Variants in RAD54L2 observed in about 807,000 individuals in gnomAD.
RAD54L2 encodes the protein helicase ARIP4.
RAD54L2 carries 27 observed loss-of-function variants against 138.4 expected under a neutral mutation model. That is an observed-to-expected ratio of 0.20 (90% CI 0.14 to 0.27). RAD54L2 has a LOEUF of 0.27. RAD54L2 is among the 10% of genes least tolerant of loss of function. The pLI is 1.00. For missense variants in RAD54L2, 1,396 were observed against 1,890.2 expected, an observed-to-expected ratio of 0.74 and a Z score of 4.85; for synonymous variants, 644 against 723.2, an observed-to-expected ratio of 0.89 and a Z score of 1.76.
rs1701909521 is a variant in RAD54L2, at chr3:51,666,209, T to TTTTTTTA, written c.*2789_*2790insTTTTTTA. The stretch of plus-strand genomic sequence containing the variant: ...TTTTTTTTTTTTTTTTTTTTTTTTT[T>TTTTTTTA]AAAGAAAATAACCTGAAAACACTTC... On this transcript the variant is annotated 3_prime_UTR_variant, in exon 23 of 23. Coordinates refer to ENST00000684192, the MANE Select transcript of RAD54L2 (RefSeq NM_015106.4). 8.1e-6 allele frequency: 1 copy of TTTTTTTA among 122,710 alleles called. No homozygotes were observed. The highest frequency in any genetic ancestry group is 3.3e-5 in the African/African-American group (1 of 30,146). 7.6% of individuals were successfully genotyped at this position (122,710 alleles called of 1,614,324 possible). A position where few individuals can be genotyped will look rare whatever the true frequency, so the allele number is the denominator to read the frequency against.
In RAD54L2 at chr3:51,562,232, A is replaced by T. The variant is rs6771102; in HGVS notation, c.-55+20582A>T. Reference sequence around the variant, plus strand: ...TGTATTTTTATTCTTTAAATTTTTTAAATTTTATTTTTTTTTGAGATGGAG... The same window carrying T: ...TGTATTTTTATTCTTTAAATTTTTTTAATTTTATTTTTTTTTGAGATGGAG... On this transcript the variant is annotated intron_variant, in intron 2 of 22. Coordinates refer to ENST00000684192, the MANE Select transcript of RAD54L2 (RefSeq NM_015106.4). Among the ~76,000 whole-genome samples, 686 of 146,850 alleles carry T rather than the reference A, an allele frequency of 4.7e-3. 4 individuals are homozygous for T. Among genetic ancestry groups the T allele is most frequent in the African/African-American group, 0.017 (659 of 39,676 alleles).
chr3:51,582,867 G>A (rs571613860), intron 2 of RAD54L2, among the ~76,000 whole-genome samples: 40 of 151,938 alleles, frequency 2.6e-4, no homozygotes, highest in African/African-American at 8.5e-4. Flanking sequence ...CCGGGTTCAC[G>A]CCATTCTCCT....
Position 51,635,646 on chromosome 3 carries a change from T to C in RAD54L2, c.1196T>C (p.Val399Ala). ...VMADWVSEGG[V>A]LLMGYEMYRL... is the part of the protein sequence containing the mutation. ...GCTGATTGGGTGTCAGAGGGTGGCG[T>C]GCTGCTGATGGGGTACGAGATGTAC... Residue 399 changes from valine to alanine, a missense_variant, in exon 10 of 23, where the codon GTG (valine) becomes GCG (alanine). Around this residue, in one of 7 missense-constraint regions of RAD54L2, gnomAD observed 169 missense variants for 235.6 expected, o/e 0.72. Coordinates refer to ENST00000684192, the MANE Select transcript of RAD54L2 (RefSeq NM_015106.4). The C allele has an allele frequency of 6.2e-7, 1 of 1,613,670 alleles. No individual in the cohort carries two copies. The highest frequency in any genetic ancestry group is 2.2e-5 in the East Asian group (1 of 44,852).
chr3:51,583,679 G>A (rs1452645417), intron 2 of RAD54L2, among the ~76,000 whole-genome samples: 1 of 150,026 alleles, frequency 6.7e-6, no homozygotes, highest in East Asian at 2.0e-4. Context: ...TGCCCGCCTC[G>A]GCCTCCCAAA....
intron 2 of RAD54L2, among the ~76,000 whole-genome samples, chr3:51,556,856 G>T (rs1202327285): frequency 2.8e-4 from 42 of 152,180 alleles, no homozygotes; most frequent in Admixed American, 2.6e-3. Context: ...GATTACAGGC[G>T]TGAGCCACTG....
intron 2 of RAD54L2, among the ~76,000 whole-genome samples, chr3:51,582,621 T>C (rs1474756103): frequency 1.3e-5 from 2 of 151,436 alleles, no homozygotes; most frequent in African/African-American, 2.4e-5. Flanking sequence ...CATGATTCCA[T>C]GGAGAAGGAA....
rs1701206882 is a variant in RAD54L2 at position 51,643,991 on chromosome 3, A to C, written c.2450+17A>C. ...CTCTACAAGGTGAGTGGATCCCAAG[A>C]GGGGAGGTCAAAGGAATCTGTTCAG... On this transcript the variant is annotated intron_variant, in intron 16 of 22. Coordinates refer to ENST00000684192, the MANE Select transcript of RAD54L2 (RefSeq NM_015106.4). 6.4e-7 allele frequency: 1 copy of C among 1,569,974 alleles called. No homozygotes were observed. The highest frequency in any genetic ancestry group is 8.7e-7 in the Non-Finnish European group (1 of 1,152,996).
At chr3:51,542,223 C>G (rs975000669) in intron 2 of RAD54L2, among the ~76,000 whole-genome samples, 4 of 152,114 alleles carry the variant, frequency 2.6e-5, no homozygotes, top group Non-Finnish European at 5.9e-5. Flanking sequence ...CAGATTGCAT[C>G]GAGGACTGGA....
rs1463503723 is a variant in RAD54L2 at position 51,646,412 on chromosome 3, C to T, written c.2957C>T (p.Ser986Leu). ...ACATCAGTCCCCTATACCCGCCCAT[C>T]GTATGCGCAGTATTACCCTGCCAGC... ...KRTSVPYTRP[S>L]YAQYYPASDQ... Residue 986 changes from serine (S) to leucine (L), a missense_variant, in exon 19 of 23, where the codon TCG (serine) becomes TTG (leucine). Transcript: ENST00000684192. The T allele has an allele frequency of 9.3e-6, 15 of 1,613,850 alleles. No homozygotes were observed. The highest frequency in any genetic ancestry group is 1.1e-5 in the South Asian group (1 of 91,040).
chr3:51,659,950 C>A, intron 21 of RAD54L2, 76 bp from the exon 22 acceptor site: 1 of 1,105,032 alleles, frequency 9.0e-7, no homozygotes, highest in South Asian at 1.5e-5. Flanking sequence ...AAGCCCACGG[C>A]GCACAGCCTG....
At chr3:51,555,485 CAT>C (rs1238937442) in intron 2 of RAD54L2, among the ~76,000 whole-genome samples, 2 of 152,066 alleles carry the variant, frequency 1.3e-5, no homozygotes, top group Admixed American at 1.3e-4. Flanking sequence ...TGGTGGCACA[CAT>C]GTCTACTGAA....
intron 2 of RAD54L2, among the ~76,000 whole-genome samples, chr3:51,544,023 T>A (rs1553671788): frequency 6.6e-6 from 1 of 152,132 alleles, no homozygotes; most frequent in African/African-American, 2.4e-5. Flanking sequence ...TTAAAAAAAA[T>A]TATTTATATA....
intron 2 of RAD54L2, among the ~76,000 whole-genome samples, chr3:51,578,659 T>G (rs1699537781): frequency 6.6e-6 from 1 of 151,920 alleles, no homozygotes; most frequent in African/African-American, 2.4e-5. Context: ...CACTGGTGAG[T>G]GGGTGCAGGA....
At position 51,629,320 on chromosome 3, in the gene RAD54L2, A is replaced by G. The variant is rs748802961; in HGVS notation, c.342-14A>G. 6.3e-7 allele frequency: 1 copy of G among 1,576,032 alleles called. No homozygotes were observed. The highest frequency in any genetic ancestry group is 1.9e-5 in the Admixed American group (1 of 53,462). ...TAATTGAACCCAAGTGCTGTCTCTTATGTGAATGTTTAGAAAGCTACTCCG... is the reference window on the plus strand; with the variant it reads ...TAATTGAACCCAAGTGCTGTCTCTTGTGTGAATGTTTAGAAAGCTACTCCG... On this transcript the variant is annotated splice_polypyrimidine_tract_variant and intron_variant, in intron 4 of 22. Coordinates refer to ENST00000684192, the MANE Select transcript of RAD54L2 (RefSeq NM_015106.4).
At chr3:51,602,021 G>A (rs1700092946) in intron 3 of RAD54L2, among the ~76,000 whole-genome samples, 1 of 151,558 alleles carries the variant, frequency 6.6e-6, no homozygotes, top group Admixed American at 6.6e-5. Flanking sequence ...TAATAGAGAC[G>A]CGGTTTCACC....
At chr3:51,631,080 C>T (rs973254482) in intron 7 of RAD54L2, 149 bp downstream of exon 7, 10 of 751,702 alleles carry the variant, frequency 1.3e-5, no homozygotes, top group Non-Finnish European at 2.1e-5. Flanking sequence ...CCTGATACTT[C>T]CTTCTAGCAG....
At chr3:51,559,683 A>C (rs889778757) in intron 2 of RAD54L2, among the ~76,000 whole-genome samples, 1 of 152,190 alleles carries the variant, frequency 6.6e-6, no homozygotes, top group Admixed American at 6.5e-5. Context: ...ACTGTATCCC[A>C]GCTGCTGTTC....
intron 3 of RAD54L2, among the ~76,000 whole-genome samples, chr3:51,601,310 C>CTT (rs779030766): frequency 1.6e-5 from 2 of 123,092 alleles, no homozygotes; most frequent in Non-Finnish European, 3.5e-5. Context: ...CTGCGCCCGG[C>CTT]TTTTTTTTTT....
Position 51,646,436 on chromosome 3 carries a change from G to T in RAD54L2, c.2981G>T (p.Ser994Ile), listed in dbSNP as rs1307092617. The stretch of plus-strand genomic sequence containing the variant: ...TCGTATGCGCAGTATTACCCTGCCA[G>T]CGATCAGAGCCTGACCAGCATCCCC... ...RPSYAQYYPA[S>I]DQSLTSIPAF... Residue 994 changes from serine (S) to isoleucine (I), a missense_variant, in exon 19 of 23, where the codon AGC becomes ATC. Physicochemically the swap from Ser to Ile is moderately radical, Grantham distance 142. Around this residue, in one of 7 missense-constraint regions of RAD54L2, gnomAD observed 634 missense variants for 711.2 expected, o/e 0.89. Coordinates refer to ENST00000684192, the MANE Select transcript of RAD54L2 (RefSeq NM_015106.4). The T allele has an allele frequency of 1.2e-6, 2 of 1,613,580 alleles. No individual in the cohort carries two copies. The highest frequency in any genetic ancestry group is 1.7e-6 in the Non-Finnish European group (2 of 1,179,788).
Sources: gnomAD v4.1 joint callset for allele counts (sites outside exome capture counted in the v4.1 genomes callset) on GRCh38, gnomAD v4.1.1 for gene constraint, gnomAD v4.1.1 regional missense constraint, MANE v1.5 for transcripts, NCBI Gene and HGNC (gene_info 2026-07-23, HGNC 2026-07-21) for gene names.